NEDD4L: variants seen among roughly 807,000 people sequenced by gnomAD.
NEDD4L encodes the protein E3 ubiquitin-protein ligase NEDD4-like.
NEDD4L carries 54 observed loss-of-function variants against 148.9 expected under a neutral mutation model. The ratio of observed to expected loss-of-function variants is 0.36; its 90% CI spans 0.29 to 0.45. The LOEUF is 0.45. NEDD4L is among the 20% of genes least tolerant of loss of function. NEDD4L has a pLI of 1.00. For missense variants in NEDD4L, 856 were observed against 1,233.8 expected, an observed-to-expected ratio of 0.69 and a Z score of 4.59; for synonymous variants, 433 against 440.7, an observed-to-expected ratio of 0.98 and a Z score of 0.22.
At chr18:58,133,104 GTCAAAAGAAC>G (rs1222353118) in intron 1 of NEDD4L, among the ~76,000 whole-genome samples, 1 of 152,204 alleles carries the variant, frequency 6.6e-6, no homozygotes, top group African/African-American at 2.4e-5. Context: ...AGTAAATTCT[GTCAAAAGAAC>G]TCACTGAAGG....
chr18:58,368,288 T>C (rs2046370651), intron 22 of NEDD4L, among the ~76,000 whole-genome samples: 1 of 152,198 alleles, frequency 6.6e-6, no homozygotes, highest in Non-Finnish European at 1.5e-5. Context: ...AATTTCAAAA[T>C]AATGTTACTG....
At chr18:58,116,607 T>A (rs972816711) in intron 1 of NEDD4L, among the ~76,000 whole-genome samples, 13 of 152,194 alleles carry the variant, frequency 8.5e-5, no homozygotes, top group South Asian at 6.2e-4. Context: ...GGGGGTCCAG[T>A]AAGTACAGTT....
chr18:58,143,018 G>A (rs1380095043), intron 1 of NEDD4L, among the ~76,000 whole-genome samples: 5 of 152,214 alleles, frequency 3.3e-5, no homozygotes, highest in Non-Finnish European at 7.3e-5. Context: ...GAGGCAGCAT[G>A]CGGAGCAGAC....
chr18:58,235,789 C>T (rs158865), intron 2 of NEDD4L, among the ~76,000 whole-genome samples: 78,485 of 151,892 alleles, frequency 0.52, 21,374 homozygotes, highest in African/African-American at 0.71. Context: ...TGGGTGTTTT[C>T]TTTTAAGGCT....
intron 5 of NEDD4L, among the ~76,000 whole-genome samples, chr18:58,281,084 C>T (rs1039420198): frequency 1.3e-5 from 2 of 152,098 alleles, no homozygotes; most frequent in Non-Finnish European, 2.9e-5. Context: ...CTCAAGCGAT[C>T]CTCCCGCCTC....
intron 13 of NEDD4L, among the ~76,000 whole-genome samples, chr18:58,337,575 AT>A (rs541933470): frequency 6.6e-6 from 1 of 151,170 alleles, no homozygotes; most frequent in East Asian, 2.0e-4. Flanking sequence ...ACTTTATTTT[AT>A]TTTTTTTAAA....
At chr18:58,354,365 A>C (rs1299097450) in intron 18 of NEDD4L, among the ~76,000 whole-genome samples, 1 of 152,094 alleles carries the variant, frequency 6.6e-6, no homozygotes, top group African/African-American at 2.4e-5. Flanking sequence ...TGAGTTTCTC[A>C]TCCTTCCACT....
chr18:58,075,262 C>T (rs374541159), intron 1 of NEDD4L, among the ~76,000 whole-genome samples: 28 of 152,100 alleles, frequency 1.8e-4, no homozygotes, highest in Non-Finnish European at 3.7e-4. Flanking sequence ...ACAGTTCTCC[C>T]GCCTCAGCCT....
chr18:58,351,302 T>C (rs763595305), intron 18 of NEDD4L: 7 of 350,286 alleles, frequency 2.0e-5, no homozygotes, highest in Admixed American at 1.3e-4. Flanking sequence ...GTTGAATTTT[T>C]AAACCACATT....
At chr18:58,140,304 T>TACAGGA (rs1156953337) in intron 1 of NEDD4L, among the ~76,000 whole-genome samples, 1 of 152,250 alleles carries the variant, frequency 6.6e-6, no homozygotes, top group Non-Finnish European at 1.5e-5. Context: ...ATTAAAATCA[T>TACAGGA]ACTTCCTAAG....
At chr18:58,298,624 TAAAC>T (rs951624167) in intron 5 of NEDD4L, among the ~76,000 whole-genome samples, 7 of 152,202 alleles carry the variant, frequency 4.6e-5, no homozygotes, top group African/African-American at 9.6e-5. Flanking sequence ...TCCTTTAAAA[TAAAC>T]AAACATGTTT....
At chr18:58,362,563 G>A (rs2045620701) in intron 19 of NEDD4L, among the ~76,000 whole-genome samples, 2 of 152,124 alleles carry the variant, frequency 1.3e-5, no homozygotes, top group African/African-American at 4.8e-5. Flanking sequence ...AGTTCCTATG[G>A]GGTCATTTTT....
chr18:58,358,957 A>G (rs1008888408), intron 19 of NEDD4L, among the ~76,000 whole-genome samples: 1 of 152,126 alleles, frequency 6.6e-6, no homozygotes, highest in Non-Finnish European at 1.5e-5. Flanking sequence ...ATGTTTATTT[A>G]AAACTTCATT....
chr18:58,315,809 G>A (rs987228763), intron 5 of NEDD4L, among the ~76,000 whole-genome samples, 173 bp from the exon 6 acceptor site: 5 of 152,144 alleles, frequency 3.3e-5, no homozygotes, highest in Non-Finnish European at 5.9e-5. Flanking sequence ...CCAGGCGCAC[G>A]GGCTCCTGGT....
chr18:58,075,821 C>G (rs2083126257), intron 1 of NEDD4L, among the ~76,000 whole-genome samples: 1 of 151,960 alleles, frequency 6.6e-6, no homozygotes, highest in African/African-American at 2.4e-5. Flanking sequence ...GTCCCAGCTA[C>G]TCGGGAGTGA....
intron 11 of NEDD4L, 49 bp downstream of exon 11, chr18:58,330,963 T>G: frequency 6.3e-7 from 1 of 1,576,162 alleles, no homozygotes; most frequent in Non-Finnish European, 8.7e-7. Context: ...GTTTTATTGT[T>G]TTTTGTTGCT....
intron 14 of NEDD4L, 121 bp from the exon 15 acceptor site, chr18:58,341,557 C>T (rs974946956): frequency 6.8e-5 from 70 of 1,035,250 alleles, no homozygotes; most frequent in African/African-American, 5.0e-4. Context: ...ATTTCCTCCA[C>T]GCTTTAAATA....
intron 1 of NEDD4L, among the ~76,000 whole-genome samples, chr18:58,119,290 A>C (rs2086070591): frequency 6.6e-6 from 1 of 151,868 alleles, no homozygotes; most frequent in South Asian, 2.1e-4. Context: ...TCACTTTCCT[A>C]AGGGCCAGAG....
intron 2 of NEDD4L, among the ~76,000 whole-genome samples, chr18:58,206,515 A>G (rs922122142): frequency 1.3e-5 from 2 of 152,190 alleles, no homozygotes; most frequent in African/African-American, 4.8e-5. Context: ...CAGTTTATGG[A>G]TCTGTGTTTG....
Sources: gnomAD v4.1 joint callset for allele counts (sites outside exome capture counted in the v4.1 genomes callset) on GRCh38, gnomAD v4.1.1 for gene constraint, MANE v1.5 for transcripts, NCBI Gene and HGNC (gene_info 2026-07-23, HGNC 2026-07-21) for gene names.